ATF2: variants seen among roughly 807,000 people sequenced by gnomAD.
ATF2 encodes the protein activating transcription factor 2.
A neutral mutation model predicts 60.6 loss-of-function variants in ATF2; 24 were observed. The ratio of observed to expected loss-of-function variants is 0.40; its 90% CI spans 0.29 to 0.56. The LOEUF (loss-of-function observed/expected upper bound fraction) is 0.56. Ranked by LOEUF, ATF2 falls within the 20% of genes least tolerant of loss-of-function variation. The pLI, the probability that ATF2 is intolerant of heterozygous loss-of-function variation, is 0.54. For missense variants in ATF2, 433 were observed against 607.7 expected (o/e 0.71, Z 3.02); for synonymous variants, 206 against 215.4 (o/e 0.96, Z 0.38).
intron 1 of ATF2, among the ~76,000 whole-genome samples, chr2:175,163,141 AAATAAAT>A (rs1700127086): frequency 4.4e-4 from 5 of 11,334 alleles, no homozygotes; most frequent in Non-Finnish European, 6.5e-4. Context: ...CTCAAAAAAT[AAATAAAT>A]AAATAAATAA....
chr2:175,131,403 A>C (rs1014359701), intron 3 of ATF2, among the ~76,000 whole-genome samples: 1 of 152,206 alleles, frequency 6.6e-6, no homozygotes, highest in African/African-American at 2.4e-5. Flanking sequence ...AGTGCCCTGA[A>C]AAGTTAAGAC....
intron 1 of ATF2, among the ~76,000 whole-genome samples, chr2:175,163,414 TG>T (rs1211496720): frequency 1.3e-5 from 2 of 152,136 alleles, no homozygotes; most frequent in Non-Finnish European, 1.5e-5. Flanking sequence ...TATTTCTCCC[TG>T]TCTTTCCCTA....
At chr2:175,165,314 T>C (rs1384644105) in intron 1 of ATF2, among the ~76,000 whole-genome samples, 1 of 152,198 alleles carries the variant, frequency 6.6e-6, no homozygotes, top group South Asian at 2.1e-4. Flanking sequence ...AATGACATTT[T>C]AGTAAGAATA....
At chr2:175,111,740 CTT>C (rs1239856581) in intron 9 of ATF2, 86 bp from the exon 10 acceptor site, 1 of 1,150,848 alleles carries the variant, frequency 8.7e-7, no homozygotes, top group East Asian at 2.5e-5. Context: ...TAATTTGAGA[CTT>C]TAAGAATCAG....
At chr2:175,164,968 T>A (rs1441049666) in intron 1 of ATF2, among the ~76,000 whole-genome samples, 1 of 152,208 alleles carries the variant, frequency 6.6e-6, no homozygotes, top group Non-Finnish European at 1.5e-5. Context: ...GCGATTCTCC[T>A]GCCTCAGCCT....
chr2:175,135,523 C>A (rs2105764345), intron 3 of ATF2, among the ~76,000 whole-genome samples: 1 of 152,232 alleles, frequency 6.6e-6, no homozygotes, highest in African/African-American at 2.4e-5. Context: ...ACTTTCCCAC[C>A]ATCGTAAAGT....
chr2:175,154,233 AAATAT>A (rs1411623340), intron 1 of ATF2, among the ~76,000 whole-genome samples: 2 of 145,652 alleles, frequency 1.4e-5, no homozygotes, highest in East Asian at 4.0e-4. Context: ...AAGAAAAAAA[AAATAT>A]ATATATATAT....
At position 175,081,187 on chromosome 2, in the gene ATF2, G is replaced by T. The variant is rs566321521; in HGVS notation, c.1186-422C>A. ...AAAATCATCCTAGAAATTCAAATAAGCAAGTTTCCAGTTTCCTAGAAACCA... is the reference window on the plus strand; with the variant it reads ...AAAATCATCCTAGAAATTCAAATAATCAAGTTTCCAGTTTCCTAGAAACCA... On this transcript the variant is annotated intron_variant, in intron 12 of 13. Coordinates refer to ENST00000264110, the MANE Select transcript of ATF2 (RefSeq NM_001880.4). 4.8e-4 allele frequency among the ~76,000 whole-genome samples: 73 copies of T among 152,116 alleles called. 2 individuals carry two copies. In the South Asian group the frequency reaches 0.015, roughly 31 times the overall value.
At chr2:175,129,935 T>C (rs868381630) in intron 4 of ATF2, among the ~76,000 whole-genome samples, 2 of 152,044 alleles carry the variant, frequency 1.3e-5, no homozygotes, top group Non-Finnish European at 2.9e-5. Flanking sequence ...CCCCTCCGTA[T>C]TGGATTATAC....
chr2:175,127,581 TTC>T (rs1356387006), intron 4 of ATF2, among the ~76,000 whole-genome samples: 4 of 152,184 alleles, frequency 2.6e-5, no homozygotes, highest in African/African-American at 9.7e-5. Flanking sequence ...ATGTCTTTTT[TTC>T]TGTCTCCTCT....
chr2:175,140,709 C>T (rs547741364), intron 2 of ATF2, among the ~76,000 whole-genome samples: 58 of 150,988 alleles, frequency 3.8e-4, no homozygotes, highest in Non-Finnish European at 6.8e-4. Context: ...AAATCCTGCC[C>T]AAGGTGCAAT....
chr2:175,107,716 C>G (rs1273753310), intron 10 of ATF2, among the ~76,000 whole-genome samples: 1 of 152,230 alleles, frequency 6.6e-6, no homozygotes, highest in Non-Finnish European at 1.5e-5. Flanking sequence ...CAGGCGCGCG[C>G]CGCCACGCCT....
At chr2:175,089,303 T>A (rs538369390) in intron 12 of ATF2, among the ~76,000 whole-genome samples, 12 of 152,284 alleles carry the variant, frequency 7.9e-5, no homozygotes, top group Admixed American at 5.2e-4. Context: ...AACTAAAACA[T>A]GATTAAATTT....
rs565873129 is a variant in ATF2 at position 175,073,628 on chromosome 2, T to G, written c.*981A>C. 2.0e-5 allele frequency: 3 copies of G among 152,218 alleles called. No individual in the cohort carries two copies. In the East Asian group the frequency reaches 5.8e-4, roughly 29 times the overall value. The allele number at this position is 152,218 out of a possible 1,614,324, so 9.4% of individuals were successfully genotyped here. On this transcript the variant is annotated 3_prime_UTR_variant, in exon 14 of 14. Transcript: ENST00000264110. ...GATGACAGTGCTTTCACAAGAATAGTACAAGTTAGCTCGCAAGTACAAGAC... is the reference window on the plus strand; with the variant it reads ...GATGACAGTGCTTTCACAAGAATAGGACAAGTTAGCTCGCAAGTACAAGAC...
chr2:175,101,176 A>G (rs1449717366), intron 10 of ATF2, among the ~76,000 whole-genome samples: 1 of 152,158 alleles, frequency 6.6e-6, no homozygotes, highest in Non-Finnish European at 1.5e-5. Flanking sequence ...ACCCTAATTG[A>G]TGGGATAATG....
chr2:175,074,522 T>C lies in ATF2; in HGVS notation c.*87A>G, dbSNP rs1693146489. 1 of 1,444,704 alleles carries C rather than the reference T, an allele frequency of 6.9e-7. No homozygotes were observed. The highest frequency in any genetic ancestry group is 1.4e-5 in the South Asian group (1 of 70,548). 89.5% of individuals were successfully genotyped at this position (1,444,704 alleles called of 1,614,324 possible). On this transcript the variant is annotated 3_prime_UTR_variant, in exon 14 of 14. Transcript: ENST00000264110. ...AAAAAAAAAAATTTACAACCACAGATTTCGCATAAATGGAAACTGGTCTTT... is the reference window on the plus strand; with the variant it reads ...AAAAAAAAAAATTTACAACCACAGACTTCGCATAAATGGAAACTGGTCTTT...
chr2:175,107,987 A>AGGGT (rs1695816564), intron 10 of ATF2, among the ~76,000 whole-genome samples: 2 of 150,772 alleles, frequency 1.3e-5, no homozygotes, highest in African/African-American at 4.9e-5. Context: ...CCCAGCCGCC[A>AGGGT]CCCCGTCTGG....
intron 10 of ATF2, among the ~76,000 whole-genome samples, chr2:175,098,143 T>A (rs1695064405): frequency 6.6e-6 from 1 of 152,238 alleles, no homozygotes; most frequent in African/African-American, 2.4e-5. Context: ...GCAGAGATTA[T>A]CTTATACTTT....
intron 5 of ATF2, 102 bp from the exon 6 acceptor site, chr2:175,118,471 G>A (rs1696733789): frequency 1.0e-6 from 1 of 959,702 alleles, no homozygotes; most frequent in East Asian, 2.8e-5. Flanking sequence ...TCAGTCAGTT[G>A]TTAATTCTCT....
Sources: allele counts gnomAD v4.1 joint callset (sites outside exome capture counted in the v4.1 genomes callset), GRCh38; gene constraint gnomAD v4.1.1; transcripts MANE v1.5; gene names NCBI Gene and HGNC (gene_info 2026-07-23, HGNC 2026-07-21).